Variants in WASHC3 observed in about 807,000 individuals in gnomAD.
WASHC3 encodes WASH complex subunit CCDC53.
A neutral mutation model predicts 26.1 loss-of-function variants in WASHC3; 24 were observed. That is an observed-to-expected ratio of 0.92 (90% CI 0.66 to 1.29). The LOEUF is 1.29. WASHC3 is among the 50% of genes most tolerant of loss of function. The pLI, the probability that WASHC3 is intolerant of heterozygous loss-of-function variation, is 0.00. For synonymous variants in WASHC3, 77 were observed against 75.7 expected, an observed-to-expected ratio of 1.02 and a Z score of -0.09; for missense variants, 214 against 229.6, an observed-to-expected ratio of 0.93 and a Z score of 0.44.
At chr12:102,015,624 T>C (rs1444506201) in intron 6 of WASHC3, among the ~76,000 whole-genome samples, 1 of 152,232 alleles carries the variant, frequency 6.6e-6, no homozygotes, top group Non-Finnish European at 1.5e-5. Context: ...GATGATTTAT[T>C]TTCATCATCA....
intron 2 of WASHC3, among the ~76,000 whole-genome samples, chr12:102,060,482 T>C (rs1034319153): frequency 1.3e-5 from 2 of 152,146 alleles, no homozygotes; most frequent in Non-Finnish European, 2.9e-5. Flanking sequence ...AATCCTTACA[T>C]CACAAGTCAT....
chr12:102,039,994 G>T lies in WASHC3; in HGVS notation c.325-16C>A, dbSNP rs991421266. 3.2e-6 allele frequency: 4 copies of T among 1,246,620 alleles called. No homozygotes were observed. The highest frequency in any genetic ancestry group is 4.6e-6 in the Non-Finnish European group (4 of 871,072). The allele number at this position is 1,246,620 out of a possible 1,614,324, so 77.2% of individuals were successfully genotyped here. ...TACTGTTCTGCTGTAGAGAGTATTT[G>T]GTGTAAATCTTTAGACAATTTACAA... On this transcript the variant is annotated splice_polypyrimidine_tract_variant and intron_variant, in intron 4 of 6. Coordinates refer to ENST00000240079, the MANE Select transcript of WASHC3 (RefSeq NM_016053.4).
chr12:102,061,294 A>C lies in WASHC3; in HGVS notation c.104T>G (p.Val35Gly). ...GCGGTTGAGGAACTGTACAGTGTGC[A>C]CCACAAATTGGTTTAGAAAAGCCAC... Reference protein sequence around the residue: ...RTVAFLNQFVVHTVQFLNRFS... With the variant: ...RTVAFLNQFVGHTVQFLNRFS... The change falls in exon 2 of 7, where the codon GTG (valine) becomes GGG (glycine). Residue 35 changes from valine to glycine, a missense_variant. By Grantham distance (109) the Val-to-Gly change is moderately radical. Coordinates refer to ENST00000240079, the MANE Select transcript of WASHC3 (RefSeq NM_016053.4). The C allele has an allele frequency of 6.2e-7, 1 of 1,613,968 alleles. No individual in the cohort carries two copies. Among genetic ancestry groups the C allele is most frequent in the Non-Finnish European group, 8.5e-7 (1 of 1,179,866 alleles).
At chr12:102,031,229 T>C (rs1877425392) in intron 5 of WASHC3, among the ~76,000 whole-genome samples, 1 of 152,234 alleles carries the variant, frequency 6.6e-6, no homozygotes, top group South Asian at 2.1e-4. Flanking sequence ...CTCTAGGTCC[T>C]CTGTATACTG....
At chr12:102,038,979 G>T (rs949491232) in intron 5 of WASHC3, among the ~76,000 whole-genome samples, 1 of 151,414 alleles carries the variant, frequency 6.6e-6, no homozygotes, top group African/African-American at 2.4e-5. Context: ...TTTGAGACAG[G>T]GTCTTGCTCT....
intron 6 of WASHC3, among the ~76,000 whole-genome samples, chr12:102,013,527 T>C (rs1050229226): frequency 6.6e-6 from 1 of 152,136 alleles, no homozygotes; most frequent in African/African-American, 2.4e-5. Context: ...GCTAAGTCCC[T>C]GAAGCTTCCA....
chr12:102,055,092 T>C (rs886788376), intron 2 of WASHC3, among the ~76,000 whole-genome samples: 2 of 151,328 alleles, frequency 1.3e-5, no homozygotes, highest in Admixed American at 6.6e-5. Context: ...AGAAAAACAA[T>C]AGAAAAGATC....
chr12:102,061,901 CT>C lies in WASHC3; in HGVS notation c.51+10del. 1 of 1,594,234 alleles carries C rather than the reference CT, an allele frequency of 6.3e-7. No homozygotes were observed. The highest frequency in any genetic ancestry group is 8.6e-7 in the Non-Finnish European group (1 of 1,169,376). On this transcript the variant is annotated intron_variant, in intron 1 of 6. Transcript: ENST00000240079. ...CGGCTCGTCGGGAGTCTAGCACCGTCTTTTACAAACCTTGGTCAGGTCTATG... is the reference window on the plus strand; with the variant it reads ...CGGCTCGTCGGGAGTCTAGCACCGTCTTTACAAACCTTGGTCAGGTCTATG...
At chr12:102,030,725 A>T (rs1487931223) in intron 5 of WASHC3, among the ~76,000 whole-genome samples, 1 of 152,236 alleles carries the variant, frequency 6.6e-6, no homozygotes, top group Admixed American at 6.5e-5. Flanking sequence ...CAGTGGTATC[A>T]GTGAAGAATA....
At chr12:102,025,937 C>T (rs1226682031) in intron 6 of WASHC3, 37 bp downstream of exon 6, 3 of 986,618 alleles carry the variant, frequency 3.0e-6, no homozygotes, top group Non-Finnish European at 4.6e-6. Flanking sequence ...ATTCAATGTC[C>T]TGGCAATAAT....
At chr12:102,060,070 A>C (rs1308875824) in intron 2 of WASHC3, among the ~76,000 whole-genome samples, 1 of 152,242 alleles carries the variant, frequency 6.6e-6, no homozygotes, top group Non-Finnish European at 1.5e-5. Flanking sequence ...TCCCATCTCC[A>C]TGCAATTTTT....
chr12:102,050,937 T>A (rs926311018), intron 2 of WASHC3, among the ~76,000 whole-genome samples: 9 of 152,264 alleles, frequency 5.9e-5, no homozygotes, highest in Admixed American at 4.6e-4. Context: ...AATGTGGGTC[T>A]GATTCTACTA....
intron 5 of WASHC3, among the ~76,000 whole-genome samples, chr12:102,034,430 C>A (rs1877565966): frequency 6.6e-6 from 1 of 152,062 alleles, no homozygotes; most frequent in Non-Finnish European, 1.5e-5. Context: ...TCTGCTCTTC[C>A]AGTTAAAAGT....
At chr12:102,028,057 G>A (rs2121358230) in intron 5 of WASHC3, among the ~76,000 whole-genome samples, 1 of 152,176 alleles carries the variant, frequency 6.6e-6, no homozygotes, top group Admixed American at 6.5e-5. Flanking sequence ...TAGAAGATAA[G>A]TTTAATGACC....
chr12:102,059,450 A>T (rs1404931953), intron 2 of WASHC3, among the ~76,000 whole-genome samples: 2 of 152,234 alleles, frequency 1.3e-5, no homozygotes, highest in African/African-American at 4.8e-5. Context: ...ATACAGATAC[A>T]GCCAGAACAG....
intron 6 of WASHC3, among the ~76,000 whole-genome samples, chr12:102,016,227 CAG>C (rs945641169): frequency 5.2e-4 from 79 of 151,658 alleles, no homozygotes; most frequent in African/African-American, 1.8e-3. Context: ...TTTTTTTCAA[CAG>C]AGTCTTGCTC....
chr12:102,022,125 T>C (rs892354499), intron 6 of WASHC3, among the ~76,000 whole-genome samples: 1 of 152,226 alleles, frequency 6.6e-6, no homozygotes, highest in East Asian at 1.9e-4. Context: ...GTTAGGAGTA[T>C]GTTCAATTGA....
intron 5 of WASHC3, among the ~76,000 whole-genome samples, chr12:102,032,655 A>G (rs984412076): frequency 6.6e-6 from 1 of 152,188 alleles, no homozygotes. Context: ...AATGAGATCC[A>G]AATTTGGGGA....
At chr12:102,057,923 C>G (rs1266105294) in intron 2 of WASHC3, among the ~76,000 whole-genome samples, 2 of 151,858 alleles carry the variant, frequency 1.3e-5, no homozygotes, top group Non-Finnish European at 2.9e-5. Context: ...AAAATTCATA[C>G]TGAACCACAA....
Sources: allele counts gnomAD v4.1 joint callset (sites outside exome capture counted in the v4.1 genomes callset), GRCh38; gene constraint gnomAD v4.1.1; transcripts MANE v1.5; gene names NCBI Gene and HGNC (gene_info 2026-07-23, HGNC 2026-07-21).